NEDD8: variants seen among roughly 807,000 people sequenced by gnomAD.
The protein encoded by NEDD8 is NEDD8 ubiquitin like modifier.
NEDD8 carries 1 observed loss-of-function variant against 13.8 expected under a neutral mutation model. The ratio of observed to expected loss-of-function variants is 0.07; its 90% CI spans 0.03 to 0.34. The LOEUF is 0.34. NEDD8 is among the 10% of genes least tolerant of loss of function. The pLI, the probability that NEDD8 is intolerant of heterozygous loss-of-function variation, is 0.99. For synonymous variants in NEDD8, 31 were observed against 33.2 expected (o/e 0.93, Z 0.23); for missense variants, 10 against 95.2 (o/e 0.10, Z 3.73).
intron 1 of NEDD8, among the ~76,000 whole-genome samples, chr14:24,229,355 G>T (rs2039951368): frequency 6.6e-6 from 1 of 152,188 alleles, no homozygotes; most frequent in Non-Finnish European, 1.5e-5. Flanking sequence ...AAGTGGCTGG[G>T]ACTACAGGTG....
At chr14:24,224,958 A>G (rs1345740073) in intron 1 of NEDD8, among the ~76,000 whole-genome samples, 1 of 152,214 alleles carries the variant, frequency 6.6e-6, no homozygotes, top group Non-Finnish European at 1.5e-5. Flanking sequence ...CAGGAATTTG[A>G]GACCAGCCTG....
intron 1 of NEDD8, among the ~76,000 whole-genome samples, chr14:24,224,287 C>T (rs1269723970): frequency 6.6e-6 from 1 of 152,018 alleles, no homozygotes; most frequent in Non-Finnish European, 1.5e-5. Context: ...TGGTCTCGAA[C>T]TCCTGACCTC....
At chr14:24,223,085 CAAAA>C (rs71426836) in intron 1 of NEDD8, among the ~76,000 whole-genome samples, 37 of 75,610 alleles carry the variant, frequency 4.9e-4, no homozygotes, top group African/African-American at 1.6e-3. Flanking sequence ...GACTGCATTT[CAAAA>C]AAAAAAAAAA....
chr14:24,219,749 T>C (rs1473631103), intron 1 of NEDD8, among the ~76,000 whole-genome samples: 1 of 152,184 alleles, frequency 6.6e-6, no homozygotes, highest in African/African-American at 2.4e-5. Flanking sequence ...AAACACACCA[T>C]GCTCATTCTA....
chr14:24,219,555 A>G (rs1350100309), intron 1 of NEDD8, among the ~76,000 whole-genome samples: 1 of 151,712 alleles, frequency 6.6e-6, no homozygotes, highest in South Asian at 2.1e-4. Context: ...TACATCTCCC[A>G]TATCTTTCCA....
chr14:24,216,877 T>A lies in NEDD8; in HGVS notation c.*250A>T, dbSNP rs539312271. 2.3e-6 allele frequency: 1 copy of A among 440,578 alleles called. No individual in the cohort carries two copies. Among genetic ancestry groups the A allele is most frequent in the African/African-American group, 2.0e-5 (1 of 50,094 alleles). The allele number at this position is 440,578 out of a possible 1,614,324, so 27.3% of individuals were successfully genotyped here. ...AAAGATTCCAGGAGGCCAGGAAATA[T>A]TTTATTGACAACCAGGGACACAGTC... On this transcript the variant is annotated 3_prime_UTR_variant, in exon 4 of 4. Transcript: ENST00000250495.
chr14:24,221,580 G>A (rs2039811000), intron 1 of NEDD8, among the ~76,000 whole-genome samples: 1 of 150,486 alleles, frequency 6.6e-6, no homozygotes, highest in Non-Finnish European at 1.5e-5. Flanking sequence ...GTGCCTGGCC[G>A]ATAATACAAA....
At chr14:24,221,892 G>A (rs117570385) in intron 1 of NEDD8, among the ~76,000 whole-genome samples, 6,804 of 152,120 alleles carry the variant, frequency 0.045, 226 homozygotes, top group Non-Finnish European at 0.074. Flanking sequence ...CACCGCACCC[G>A]ACCACAAATT....
chr14:24,225,845 C>T (rs1429620421), intron 1 of NEDD8, among the ~76,000 whole-genome samples: 1 of 151,956 alleles, frequency 6.6e-6, no homozygotes, highest in Non-Finnish European at 1.5e-5. Context: ...TCGAGGCCAG[C>T]CTGGATAACA....
At chr14:24,219,301 AAACAACAACAACAAC>A (rs147656745) in intron 1 of NEDD8, among the ~76,000 whole-genome samples, 6 of 148,692 alleles carry the variant, frequency 4.0e-5, no homozygotes, top group East Asian at 2.0e-4. Context: ...GTCTCAACCA[AAACAACAACAACAAC>A]AACAACAACA....
At chr14:24,219,928 T>C (rs1342515366) in intron 1 of NEDD8, among the ~76,000 whole-genome samples, 1 of 152,128 alleles carries the variant, frequency 6.6e-6, no homozygotes, top group African/African-American at 2.4e-5. Flanking sequence ...TTACCTGAGG[T>C]TGGGAGTTCA....
chr14:24,218,736 C>T (rs2039750758), intron 1 of NEDD8: 1 of 440,874 alleles, frequency 2.3e-6, no homozygotes, highest in Admixed American at 3.9e-5. Context: ...GATGATACGG[C>T]AATGAAAGGA....
At position 24,216,924 on chromosome 14, in the gene NEDD8, G is replaced by T; in HGVS notation, c.*203C>A. 1 of 574,200 alleles carries T rather than the reference G, an allele frequency of 1.7e-6. No individual in the cohort carries two copies. The highest frequency in any genetic ancestry group is 3.2e-6 in the Non-Finnish European group (1 of 317,030). The allele number at this position is 574,200 out of a possible 1,614,324, so 35.6% of individuals were successfully genotyped here. A position where few individuals can be genotyped will look rare whatever the true frequency, so the allele number is the denominator to read the frequency against. ...AGTCATAAGAGAGGGAAGCACACAGGACTGCAAACTAACACCCAGTAGCCA... is the reference window on the plus strand; with the variant it reads ...AGTCATAAGAGAGGGAAGCACACAGTACTGCAAACTAACACCCAGTAGCCA... On this transcript the variant is annotated 3_prime_UTR_variant, in exon 4 of 4. Coordinates refer to ENST00000250495, the MANE Select transcript of NEDD8 (RefSeq NM_006156.3).
intron 1 of NEDD8, 58 bp from the exon 2 acceptor site, chr14:24,218,489 G>A (rs2039746022): frequency 1.9e-6 from 3 of 1,613,218 alleles, no homozygotes; most frequent in Non-Finnish European, 2.5e-6. Flanking sequence ...TTGTCTTCTA[G>A]GTAAAACATC....
At position 24,218,142 on chromosome 14, in the gene NEDD8, C is replaced by T; in HGVS notation, c.140G>A (p.Gly47Asp). 6.2e-7 allele frequency: 1 copy of T among 1,614,096 alleles called. No individual in the cohort carries two copies. The highest frequency in any genetic ancestry group is 8.5e-7 in the Non-Finnish European group (1 of 1,180,036). The change falls in exon 3 of 4, where the codon GGC becomes GAC. Residue 47 changes from glycine to aspartate, a missense_variant. Transcript: ENST00000250495. ...CTCACTCCAAACTCACATCTGCTTG[C>T]CACTGTAGATGAGCCTCTGCTGTTG... ...PPQQQRLIYS[G>D]KQMNDEKTAA...
At chr14:24,231,964 G>A (rs1038918434) in intron 1 of NEDD8, 2 of 432,938 alleles carry the variant, frequency 4.6e-6, no homozygotes, top group South Asian at 8.0e-5. Flanking sequence ...GCGGGGGTTC[G>A]AATACAGTGA....
intron 1 of NEDD8, chr14:24,227,738 T>A (rs1232974633): frequency 3.9e-5 from 6 of 152,164 alleles, no homozygotes; most frequent in African/African-American, 1.4e-4. Context: ...TCAGGAAGAA[T>A]TTAATTGTAA....
At chr14:24,228,211 T>C (rs2039925838) in intron 1 of NEDD8, 1 of 151,118 alleles carries the variant, frequency 6.6e-6, no homozygotes, top group Non-Finnish European at 1.5e-5. Context: ...CTGGCAAACA[T>C]GGCGAAACCC....
chr14:24,227,132 C>T (rs555938207), intron 1 of NEDD8: 32 of 152,232 alleles, frequency 2.1e-4, no homozygotes, highest in African/African-American at 7.2e-4. Context: ...ACCTATGAAA[C>T]TCTTGAGGGG....
Sources: gnomAD v4.1 joint callset for allele counts (sites outside exome capture counted in the v4.1 genomes callset) on GRCh38, gnomAD v4.1.1 for gene constraint, MANE v1.5 for transcripts, NCBI Gene and HGNC (gene_info 2026-07-23, HGNC 2026-07-21) for gene names.